The following CCNT1 variants were observed in gnomAD, a reference collection of about 807,000 sequenced individuals.
The protein encoded by CCNT1 is cyclin T1.
In CCNT1, 18 loss-of-function variants were observed where a neutral mutation model predicts 67.3. The ratio of observed to expected loss-of-function variants is 0.27; its 90% CI spans 0.18 to 0.40. The LOEUF is 0.40. Ranked by LOEUF, CCNT1 falls within the 10% of genes least tolerant of loss-of-function variation. The pLI is 1.00. For missense variants in CCNT1, 744 were observed against 884.9 expected, an observed-to-expected ratio of 0.84 and a Z score of 2.02; for synonymous variants, 333 against 310.3, an observed-to-expected ratio of 1.07 and a Z score of -0.77.
chr12:48,716,563 C>T lies in CCNT1; in HGVS notation c.113G>A (p.Arg38His). 6.2e-7 allele frequency: 1 copy of T among 1,614,202 alleles called. No individual in the cohort carries two copies. The highest frequency in any genetic ancestry group is 8.5e-7 in the Non-Finnish European group (1 of 1,180,018). ...GVDPDKELSYRQQAANLLQDM... is the reference protein window; with the variant it reads ...GVDPDKELSYHQQAANLLQDM... ...CTGAAGCAGATTGGCCGCCTGCTGG[C>T]GATAAGAAAGTTCTTTATCTGGGTC... Residue 38 changes from arginine to histidine, a missense_variant, in exon 1 of 9, where the codon CGC becomes CAC. By Grantham distance (29) the Arg-to-His change is conservative. Around this residue, in one of 3 missense-constraint regions of CCNT1, gnomAD observed 142 missense variants for 277.0 expected, o/e 0.51. Coordinates refer to ENST00000261900, the MANE Select transcript of CCNT1 (RefSeq NM_001240.4).
Position 48,692,811 on chromosome 12 carries a change from C to A in CCNT1, c.*222G>T, listed in dbSNP as rs184485934. Reference sequence around the variant, plus strand: ...TCCTTAATCCTTCACAGCTTCAACACCTCTCTAATACCAGTAAAAACTGTA... The same window carrying A: ...TCCTTAATCCTTCACAGCTTCAACAACTCTCTAATACCAGTAAAAACTGTA... On this transcript the variant is annotated 3_prime_UTR_variant, in exon 9 of 9. Transcript: ENST00000261900. 1 of 450,390 alleles carries A rather than the reference C, an allele frequency of 2.2e-6. No individual in the cohort carries two copies. The highest frequency in any genetic ancestry group is 3.6e-5 in the Admixed American group (1 of 28,030). The allele number at this position is 450,390 out of a possible 1,614,324, so 27.9% of individuals were successfully genotyped here. A position where few individuals can be genotyped will look rare whatever the true frequency, so the allele number is the denominator to read the frequency against.
At position 48,693,018 on chromosome 12, in the gene CCNT1, CTT is replaced by C. The variant is rs759022106; in HGVS notation, c.*13_*14del. 68 of 1,465,866 alleles carry C rather than the reference CTT, an allele frequency of 4.6e-5. No individual in the cohort carries two copies. The highest frequency in any genetic ancestry group is 5.9e-5 in the Non-Finnish European group (64 of 1,091,274). 90.8% of individuals were successfully genotyped at this position (1,465,866 alleles called of 1,614,324 possible). ...TTTTTTAAAGAAGTTTTTTTCTCCT[CTT>C]CTTTTTCTTTTTTTACTTAGGAAGG... On this transcript the variant is annotated 3_prime_UTR_variant, in exon 9 of 9. Transcript: ENST00000261900.
intron 6 of CCNT1, among the ~76,000 whole-genome samples, chr12:48,697,537 ATATATAT>A (rs1940191822): frequency 9.7e-6 from 1 of 103,444 alleles, no homozygotes; most frequent in African/African-American, 3.7e-5. Context: ...AAAAAAAAAT[ATATATAT>A]ATATATATAT....
Position 48,690,155 on chromosome 12 carries a change from A to G in CCNT1, c.*2878T>C, listed in dbSNP as rs1940050402. ...ACTACAGTTCAGCTAACAGCAACAC[A>G]GGTATCTGATTAAAAGCCTTAAGGA... On this transcript the variant is annotated 3_prime_UTR_variant, in exon 9 of 9. Transcript: ENST00000261900. The G allele has an allele frequency of 6.6e-6, 1 of 152,346 alleles. No homozygotes were observed. Among genetic ancestry groups the G allele is most frequent in the East Asian group, 1.9e-4 (1 of 5,186 alleles). The allele number at this position is 152,346 out of a possible 1,614,324, so 9.4% of individuals were successfully genotyped here.
In CCNT1 at chr12:48,705,834, T is replaced by C; in HGVS notation, c.306A>G (p.Glu102=). 1.2e-6 allele frequency: 2 copies of C among 1,613,822 alleles called. No individual in the cohort carries two copies. The highest frequency in any genetic ancestry group is 1.7e-6 in the Non-Finnish European group (2 of 1,179,818). The stretch of plus-strand genomic sequence containing the variant: ...AAGTATGTGCTACCTTGATGACATG[T>C]TCCAATTTTTTGGGCTGCTCCTCCA... ...AKVEEQPKKL[E]HVIKVAHTCL... is the part of the protein sequence containing the mutation. The change falls in exon 3 of 9, where the codon GAA becomes GAG. Residue 102 remains glutamate, a synonymous_variant. Coordinates refer to ENST00000261900, the MANE Select transcript of CCNT1 (RefSeq NM_001240.4).
At chr12:48,712,595 TAAA>T (rs759919820) in intron 2 of CCNT1, among the ~76,000 whole-genome samples, 1 of 33,362 alleles carries the variant, frequency 3.0e-5, no homozygotes, top group African/African-American at 1.5e-4. Flanking sequence ...AAAAAAAAAA[TAAA>T]AAAAAAAAAA....
chr12:48,695,709 A>G, intron 8 of CCNT1, 50 bp downstream of exon 8: 2 of 1,229,774 alleles, frequency 1.6e-6, no homozygotes, highest in Non-Finnish European at 2.4e-6. Context: ...TCACTGGTGC[A>G]GTCAAAAGAA....
At chr12:48,696,757 CA>C (rs1279152870) in intron 6 of CCNT1, among the ~76,000 whole-genome samples, 2 of 152,208 alleles carry the variant, frequency 1.3e-5, no homozygotes, top group African/African-American at 4.8e-5. Flanking sequence ...TTAGCCCTGA[CA>C]GTTACTAGGG....
In CCNT1 at chr12:48,688,810, C is replaced by CA; in HGVS notation, c.*4222_*4223insT. 1 of 150,112 alleles carries CA rather than the reference C, an allele frequency of 6.7e-6. No individual in the cohort carries two copies. The highest frequency in any genetic ancestry group is 2.0e-4 in the East Asian group (1 of 5,106). The allele number at this position is 150,112 out of a possible 1,614,324, so 9.3% of individuals were successfully genotyped here. On this transcript the variant is annotated 3_prime_UTR_variant, in exon 9 of 9. Coordinates refer to ENST00000261900, the MANE Select transcript of CCNT1 (RefSeq NM_001240.4). ...AGTGACAGATTGGTAAAGTGTTTTACTTTTTTTTTTCTTTTCGCTCTTTGG... is the reference window on the plus strand; with the variant it reads ...AGTGACAGATTGGTAAAGTGTTTTACATTTTTTTTTTCTTTTCGCTCTTTGG...
chr12:48,712,583 AAAAAAAAAAAAT>A (rs1289286386), intron 2 of CCNT1, among the ~76,000 whole-genome samples: 1,385 of 36,806 alleles, frequency 0.038, 43 homozygotes, highest in East Asian at 0.057. Context: ...TTTCCTTAAA[AAAAAAAAAAAAT>A]AAAAAAAAAA....
At position 48,693,303 on chromosome 12, in the gene CCNT1, C is replaced by T. The variant is rs776473833; in HGVS notation, c.1911G>A (p.Ser637=). 39 of 1,614,130 alleles carry T rather than the reference C, an allele frequency of 2.4e-5. No homozygotes were observed. Among genetic ancestry groups the T allele is most frequent in the African/African-American group, 2.1e-4 (16 of 75,018 alleles). The change falls in exon 9 of 9, where the codon TCG becomes TCA. Residue 637 remains serine (S), a synonymous_variant. Coordinates refer to ENST00000261900, the MANE Select transcript of CCNT1 (RefSeq NM_001240.4). ...CCCCAGTGGGCCCTTTATCCAGTTT[C>T]GAATGAGGGACACGAGTTTTACAGC... ...QPSCKTRVPH[S]KLDKGPTGAN... is the part of the protein sequence containing the mutation.
chr12:48,703,251 T>G (rs1365563537), intron 3 of CCNT1, among the ~76,000 whole-genome samples: 1 of 151,816 alleles, frequency 6.6e-6, no homozygotes, highest in Non-Finnish European at 1.5e-5. Context: ...CACTCTATCC[T>G]GGGCAACAAA....
Position 48,690,012 on chromosome 12 carries a change from G to C in CCNT1, c.*3021C>G, listed in dbSNP as rs1940047812. The C allele has an allele frequency of 6.6e-6, 1 of 152,138 alleles. No homozygotes were observed. Among genetic ancestry groups the C allele is most frequent in the African/African-American group, 2.4e-5 (1 of 41,432 alleles). The allele number at this position is 152,138 out of a possible 1,614,324, so 9.4% of individuals were successfully genotyped here. A position where few individuals can be genotyped will look rare whatever the true frequency, so the allele number is the denominator to read the frequency against. On this transcript the variant is annotated 3_prime_UTR_variant, in exon 9 of 9. Coordinates refer to ENST00000261900, the MANE Select transcript of CCNT1 (RefSeq NM_001240.4). ...AAAAAGGAAGAAAAAAGAAGTTGAG[G>C]CTCTCTGATATGGACATACACTGAT... is the stretch of plus-strand genomic sequence containing the variant.
intron 7 of CCNT1, 83 bp from the exon 8 acceptor site, chr12:48,695,912 A>G (rs1940161796): frequency 6.5e-7 from 1 of 1,527,576 alleles, no homozygotes. Flanking sequence ...CTAACTAACT[A>G]TTTTCATCTG....
At chr12:48,716,494 A>G (rs1940535417) in intron 1 of CCNT1, 21 bp downstream of exon 1, 1 of 1,594,450 alleles carries the variant, frequency 6.3e-7, no homozygotes, top group Non-Finnish European at 8.6e-7. Context: ...CCAAGGCCGA[A>G]GGCCTAGGCC....
intron 2 of CCNT1, among the ~76,000 whole-genome samples, chr12:48,709,515 A>G (rs182882253): frequency 1.2e-4 from 18 of 152,320 alleles, no homozygotes; most frequent in Admixed American, 1.2e-3. Flanking sequence ...AATATAATAA[A>G]CTAGAACAAC....
At chr12:48,696,196 T>A in intron 6 of CCNT1, 34 bp from the exon 7 acceptor site, 1 of 1,377,552 alleles carries the variant, frequency 7.3e-7, no homozygotes. Context: ...GAGAGTGTCA[T>A]GAGCTCTCAA....
intron 2 of CCNT1, among the ~76,000 whole-genome samples, chr12:48,710,137 C>T (rs1940426966): frequency 6.6e-6 from 1 of 151,968 alleles, no homozygotes. Flanking sequence ...AATGATCCAC[C>T]CAACTCGGCC....
In CCNT1 at chr12:48,691,587, C is replaced by G. The variant is rs1329457793; in HGVS notation, c.*1446G>C. 1 of 152,202 alleles carries G rather than the reference C, an allele frequency of 6.6e-6. No individual in the cohort carries two copies. The highest frequency in any genetic ancestry group is 2.4e-5 in the African/African-American group (1 of 41,450). 9.4% of individuals were successfully genotyped at this position (152,202 alleles called of 1,614,324 possible). The stretch of plus-strand genomic sequence containing the variant: ...GTTCACTCCTAATATCTGGGATAAT[C>G]AAGCCTCCATAACAACAGGACTCTT... On this transcript the variant is annotated 3_prime_UTR_variant, in exon 9 of 9. Transcript: ENST00000261900.
Sources: gnomAD v4.1 joint callset for allele counts (sites outside exome capture counted in the v4.1 genomes callset) on GRCh38, gnomAD v4.1.1 for gene constraint, gnomAD v4.1.1 regional missense constraint, MANE v1.5 for transcripts, NCBI Gene and HGNC (gene_info 2026-07-23, HGNC 2026-07-21) for gene names.